Variants in RBAK observed in about 807,000 individuals in gnomAD.
RBAK encodes the protein RB-associated KRAB zinc finger protein.
Under a neutral mutation model 65.8 loss-of-function variants are expected in RBAK, and 39 were observed. The observed-to-expected ratio is 0.59, with a 90% CI of 0.46 to 0.77. The LOEUF (loss-of-function observed/expected upper bound fraction) is 0.77. RBAK is among the 30% of genes least tolerant of loss of function. The pLI is 0.00. For synonymous variants in RBAK, 343 were observed against 289.7 expected (o/e 1.18, Z -1.87); for missense variants, 884 against 855.1 (o/e 1.03, Z -0.42).
intron 4 of RBAK, among the ~76,000 whole-genome samples, chr7:5,059,518 CACATA>C (rs1489527985): frequency 6.6e-6 from 1 of 152,014 alleles, no homozygotes; most frequent in East Asian, 1.9e-4. Flanking sequence ...AAAAAAACCA[CACATA>C]ACATACAATT....
intron 1 of RBAK, among the ~76,000 whole-genome samples, chr7:5,047,370 G>A (rs576582440): frequency 2.4e-4 from 36 of 152,280 alleles, no homozygotes; most frequent in African/African-American, 8.2e-4. Flanking sequence ...CTGCACTCCA[G>A]CCTGGGTGGC....
At chr7:5,057,584 G>T (rs1390244079) in intron 3 of RBAK, 100 bp from the exon 4 acceptor site, 2 of 1,586,438 alleles carry the variant, frequency 1.3e-6, no homozygotes, top group East Asian at 2.2e-5. Context: ...AAAAAATGGA[G>T]CACTTCTGTT....
At chr7:5,059,152 TTC>T (rs1169309926) in intron 4 of RBAK, among the ~76,000 whole-genome samples, 1 of 152,222 alleles carries the variant, frequency 6.6e-6, no homozygotes, top group Admixed American at 6.5e-5. Flanking sequence ...CGTCAGCACA[TTC>T]TGTTTCTTTC....
rs1438663626 is a variant in RBAK at position 5,067,953 on chromosome 7, A to T, written c.*2352A>T. On this transcript the variant is annotated 3_prime_UTR_variant, in exon 5 of 5. Transcript: ENST00000396912. Reference sequence around the variant, plus strand: ...GAAAGCTTTACAAAGAAATCTTAGGACAGTTTGTAATCTTGGAGTAAGCAA... The same window carrying T: ...GAAAGCTTTACAAAGAAATCTTAGGTCAGTTTGTAATCTTGGAGTAAGCAA... 3 of 152,234 alleles carry T rather than the reference A, an allele frequency of 2.0e-5. No individual in the cohort carries two copies. The highest frequency in any genetic ancestry group is 2.0e-4 in the Admixed American group (3 of 15,268). 9.4% of individuals were successfully genotyped at this position (152,234 alleles called of 1,614,324 possible).
rs762830152 is a variant in RBAK, at chr7:5,064,456, C to G, written c.1000C>G (p.Gln334Glu). 1.2e-6 allele frequency: 2 copies of G among 1,613,916 alleles called. No individual in the cohort carries two copies. Among genetic ancestry groups the G allele is most frequent in the South Asian group, 2.2e-5 (2 of 91,066 alleles). ...KTFCQKLHLT[Q>E]HLRTHSGEKP... Reference sequence around the variant, plus strand: ...CTTTTGTCAGAAGTTACACCTCACTCAACACCTAAGAACTCATTCAGGAGA... The same window carrying G: ...CTTTTGTCAGAAGTTACACCTCACTGAACACCTAAGAACTCATTCAGGAGA... The change falls in exon 5 of 5, where the codon CAA becomes GAA. Residue 334 changes from glutamine to glutamate, a missense_variant. Coordinates refer to ENST00000396912, the MANE Select transcript of RBAK (RefSeq NM_021163.4). The surrounding 1 kb of genome is among the most constrained non-coding windows in gnomAD (Gnocchi z 6.3).
At chr7:5,061,426 TG>T (rs1461927244) in intron 4 of RBAK, among the ~76,000 whole-genome samples, 3 of 149,634 alleles carry the variant, frequency 2.0e-5, no homozygotes, top group African/African-American at 7.4e-5. Flanking sequence ...GATCTGATCT[TG>T]GGTTTTTTGT....
rs1172618690 is a variant in RBAK, at chr7:5,068,399, A to G, written c.*2798A>G. The G allele has an allele frequency of 1.3e-5, 2 of 152,206 alleles. No homozygotes were observed. Among genetic ancestry groups the G allele is most frequent in the Non-Finnish European group, 2.9e-5 (2 of 68,050 alleles). 9.4% of individuals were successfully genotyped at this position (152,206 alleles called of 1,614,324 possible). A position where few individuals can be genotyped will look rare whatever the true frequency, so the allele number is the denominator to read the frequency against. On this transcript the variant is annotated 3_prime_UTR_variant, in exon 5 of 5. Coordinates refer to ENST00000396912, the MANE Select transcript of RBAK (RefSeq NM_021163.4). ...TACAAATCAACAAGGGGGAAACTGG[A>G]AAAGGCAAAAGACTTTAGAGGATAT...
rs917710001 is a variant in RBAK at position 5,067,933 on chromosome 7, C to T, written c.*2332C>T. ...CAGATCTGAATATGAAATGTGAAAG[C>T]TTTACAAAGAAATCTTAGGACAGTT... On this transcript the variant is annotated 3_prime_UTR_variant, in exon 5 of 5. Coordinates refer to ENST00000396912, the MANE Select transcript of RBAK (RefSeq NM_021163.4). The T allele has an allele frequency of 2.0e-5, 3 of 152,130 alleles. No homozygotes were observed. The highest frequency in any genetic ancestry group is 4.4e-5 in the Non-Finnish European group (3 of 68,026). The allele number at this position is 152,130 out of a possible 1,614,324, so 9.4% of individuals were successfully genotyped here.
At position 5,065,227 on chromosome 7, in the gene RBAK, G is replaced by C; in HGVS notation, c.1771G>C (p.Gly591Arg). ...SLFRHQRVHT[G>R]EKPYECYECG... ...CTTCAGACATCAAAGAGTACACACA[G>C]GCGAGAAACCCTATGAATGTTACGA... is the stretch of plus-strand genomic sequence containing the variant. The change falls in exon 5 of 5, where the codon GGC becomes CGC. Residue 591 changes from glycine to arginine, a missense_variant. Gly to Arg is a moderately radical substitution (Grantham distance 125, BLOSUM62 -2). Transcript: ENST00000396912. The surrounding 1 kb of genome is among the most constrained non-coding windows in gnomAD (Gnocchi z 5.3). The C allele has an allele frequency of 6.2e-7, 1 of 1,613,786 alleles. No individual in the cohort carries two copies. The highest frequency in any genetic ancestry group is 8.5e-7 in the Non-Finnish European group (1 of 1,179,920).
chr7:5,048,688 A>G lies in RBAK; in HGVS notation c.15+597A>G, dbSNP rs553279017. Among the ~76,000 whole-genome samples the G allele has an allele frequency of 9.9e-5, 15 of 152,164 alleles. No individual in the cohort carries two copies. The East Asian group carries it at 1.2e-3, about 12-fold the overall frequency. On this transcript the variant is annotated intron_variant, in intron 2 of 4. Transcript: ENST00000396912. This position sits in a 1 kb window ranked among gnomAD's most constrained non-coding sequence, Gnocchi z 4.4. The stretch of plus-strand genomic sequence containing the variant: ...TGTATTAGTCCATTCTCACACTGCT[A>G]TAGAGAAATAACCAAGACTGGGTCA...
intron 2 of RBAK, among the ~76,000 whole-genome samples, chr7:5,052,410 A>G (rs535475239): frequency 6.6e-6 from 1 of 152,160 alleles, no homozygotes; most frequent in African/African-American, 2.4e-5. Flanking sequence ...TTTTAGTCTC[A>G]TCTTCTTTGT....
Position 5,064,788 on chromosome 7 carries a change from C to T in RBAK, c.1332C>T (p.Leu444=). The part of the protein sequence containing the change: ...CGKFFSRVSY[L]TIHYRSHLEE... The stretch of plus-strand genomic sequence containing the variant: ...AATTCTTTTCTCGGGTGTCATACCT[C>T]ACTATACATTATAGAAGTCATTTAG... Residue 444 remains leucine, a synonymous_variant, in exon 5 of 5, where the codon CTC becomes CTT. Coordinates refer to ENST00000396912, the MANE Select transcript of RBAK (RefSeq NM_021163.4). This position sits in a 1 kb window ranked among gnomAD's most constrained non-coding sequence, Gnocchi z 6.3. 6.2e-7 allele frequency: 1 copy of T among 1,614,040 alleles called. No homozygotes were observed. The highest frequency in any genetic ancestry group is 8.5e-7 in the Non-Finnish European group (1 of 1,179,902).
At chr7:5,046,845 C>T (rs796076373) in intron 1 of RBAK, among the ~76,000 whole-genome samples, 6 of 152,250 alleles carry the variant, frequency 3.9e-5, no homozygotes, top group Admixed American at 1.3e-4. Context: ...TGGGCCTTAG[C>T]AGGTGGGTGA....
chr7:5,047,825 C>T (rs911418307), intron 1 of RBAK, among the ~76,000 whole-genome samples: 1 of 151,568 alleles, frequency 6.6e-6, no homozygotes, highest in Admixed American at 6.6e-5. Flanking sequence ...CCAAGGAAGG[C>T]GGATCACTTG....
At position 5,065,564 on chromosome 7, in the gene RBAK, G is replaced by T. The variant is rs769515147; in HGVS notation, c.2108G>T (p.Arg703Ile). 6.5e-7 allele frequency: 1 copy of T among 1,549,426 alleles called. No homozygotes were observed. ...AATAGCCATCAGAGAATTCATAGAA[G>T]AGGAAATATGAACGTACTTGATGTG... ...AFNSHQRIHR[R>I]GNMNVLDVEN... The change falls in exon 5 of 5, where the codon AGA becomes ATA. Residue 703 changes from arginine (R) to isoleucine (I), a missense_variant. Arg to Ile is a moderately conservative substitution (Grantham distance 97). Transcript: ENST00000396912. This position sits in a 1 kb window ranked among gnomAD's most constrained non-coding sequence, Gnocchi z 5.3.
chr7:5,058,527 G>A (rs1329575369), intron 4 of RBAK, among the ~76,000 whole-genome samples: 1 of 151,826 alleles, frequency 6.6e-6, no homozygotes, highest in East Asian at 1.9e-4. Context: ...ACTTCTTTAG[G>A]CATTCAGATA....
intron 2 of RBAK, among the ~76,000 whole-genome samples, chr7:5,051,367 A>C (rs553963545): frequency 6.6e-6 from 1 of 152,040 alleles, no homozygotes; most frequent in Non-Finnish European, 1.5e-5. Flanking sequence ...TTTTTTCTGA[A>C]CTGTTTGAGA....
At chr7:5,047,724 C>G (rs1788025803) in intron 1 of RBAK, among the ~76,000 whole-genome samples, 1 of 151,390 alleles carries the variant, frequency 6.6e-6, no homozygotes, top group Admixed American at 6.6e-5. Flanking sequence ...GTGCCTCAGC[C>G]TCCTGAGTAG....
chr7:5,052,292 G>A (rs1016028766), intron 2 of RBAK, among the ~76,000 whole-genome samples: 1 of 152,158 alleles, frequency 6.6e-6, no homozygotes, highest in African/African-American at 2.4e-5. Flanking sequence ...GATCTTGCTT[G>A]TTTTCATCAG....
Sources: allele counts gnomAD v4.1 joint callset (sites outside exome capture counted in the v4.1 genomes callset), GRCh38; gene constraint gnomAD v4.1.1; non-coding constraint Gnocchi (gnomAD v3.1); transcripts MANE v1.5; gene names NCBI Gene and HGNC (gene_info 2026-07-23, HGNC 2026-07-21).